Variants in MAP2 observed in about 807,000 individuals in gnomAD.
MAP2 encodes the protein microtubule-associated protein 2.
Under a neutral mutation model 137.6 loss-of-function variants are expected in MAP2, and 14 were observed. The observed-to-expected ratio is 0.10, with a 90% CI of 0.07 to 0.16. The LOEUF (loss-of-function observed/expected upper bound fraction) is 0.16. Among genes scored for constraint, MAP2 ranks in the 10% least tolerant of loss-of-function variants. The pLI is 1.00. For missense variants in MAP2, 2,088 were observed against 2,191.5 expected (o/e 0.95, Z 0.94); for synonymous variants, 786 against 782.3 (o/e 1.00, Z -0.08).
chr2:209,639,396 G>T (rs570588604), intron 4 of MAP2, among the ~76,000 whole-genome samples: 3 of 152,004 alleles, frequency 2.0e-5, no homozygotes, highest in African/African-American at 7.2e-5. Flanking sequence ...ATTAGGTTTT[G>T]TTTTAATTAA....
At chr2:209,516,099 T>C (rs925090864) in intron 2 of MAP2, among the ~76,000 whole-genome samples, 4 of 152,128 alleles carry the variant, frequency 2.6e-5, no homozygotes, top group Admixed American at 6.5e-5. Context: ...CTGGCCCGGA[T>C]AGAATGTTTA....
chr2:209,663,503 AC>A (rs2044686563), intron 5 of MAP2, among the ~76,000 whole-genome samples: 1 of 152,192 alleles, frequency 6.6e-6, no homozygotes, highest in Non-Finnish European at 1.5e-5. Flanking sequence ...GAAGGGGAAA[AC>A]ATATGTCATA....
chr2:209,704,797 A>G (rs972117947), intron 11 of MAP2, among the ~76,000 whole-genome samples: 5 of 152,010 alleles, frequency 3.3e-5, no homozygotes, highest in Non-Finnish European at 7.4e-5. Flanking sequence ...TAAACAGTAT[A>G]CCTATTTTTT....
In MAP2 at chr2:209,731,044, T is replaced by C. The variant is rs2075711303; in HGVS notation, c.*647T>C. 6.5e-6 allele frequency: 1 copy of C among 152,716 alleles called. No individual in the cohort carries two copies. Among genetic ancestry groups the C allele is most frequent in the Non-Finnish European group, 1.5e-5 (1 of 68,150 alleles). The allele number at this position is 152,716 out of a possible 1,614,324, so 9.5% of individuals were successfully genotyped here. A position where few individuals can be genotyped will look rare whatever the true frequency, so the allele number is the denominator to read the frequency against. ...AGGAAGTGGTGTAAAAGTGCATCCA[T>C]TAGGAATGATGCACTTTCATTAGGA... On this transcript the variant is annotated 3_prime_UTR_variant, in exon 16 of 16. Transcript: ENST00000682079.
chr2:209,702,551 G>T (rs1243540947), intron 11 of MAP2, among the ~76,000 whole-genome samples: 1 of 151,784 alleles, frequency 6.6e-6, no homozygotes, highest in African/African-American at 2.4e-5. Context: ...TTTATGGGAT[G>T]CCTGTGATGA....
Position 209,700,306 on chromosome 2 carries a change from A to G in MAP2, c.4552A>G (p.Ser1518Gly). 6.2e-7 allele frequency: 1 copy of G among 1,613,712 alleles called. No individual in the cohort carries two copies. Among genetic ancestry groups the G allele is most frequent in the Non-Finnish European group, 8.5e-7 (1 of 1,179,724 alleles). ...AGGTGGGGAATCAGCTCTGGCTCCCAGTGTATTTAAACAGGCAAAGGACAA... is the reference window on the plus strand; with the variant it reads ...AGGTGGGGAATCAGCTCTGGCTCCCGGTGTATTTAAACAGGCAAAGGACAA... ...AAGGESALAP[S>G]VFKQAKDKVS... Residue 1518 changes from serine (S) to glycine (G), a missense_variant, in exon 11 of 16, where the codon AGT becomes GGT. By Grantham distance (56) the Ser-to-Gly change is moderately conservative. This residue lies in a region of MAP2 where 591 missense variants were observed against 642.6 expected (regional missense o/e 0.92). Transcript: ENST00000682079.
At chr2:209,442,651 A>G (rs1406716423) in intron 1 of MAP2, among the ~76,000 whole-genome samples, 4 of 151,602 alleles carry the variant, frequency 2.6e-5, no homozygotes, top group African/African-American at 7.3e-5. Flanking sequence ...CCTAATCTGT[A>G]TCTCCAGTTT....
chr2:209,466,362 T>C (rs1203314773), intron 1 of MAP2, among the ~76,000 whole-genome samples: 2 of 152,308 alleles, frequency 1.3e-5, no homozygotes, highest in Non-Finnish European at 2.9e-5. Flanking sequence ...TTCCCTAAAA[T>C]GACATTTGGA....
chr2:209,612,133 C>T (rs1049863408), intron 3 of MAP2, among the ~76,000 whole-genome samples: 1 of 152,078 alleles, frequency 6.6e-6, no homozygotes, highest in Non-Finnish European at 1.5e-5. Context: ...CATGCAGCGC[C>T]TTTATTGGGC....
At chr2:209,720,595 C>A (rs551409789) in intron 13 of MAP2, among the ~76,000 whole-genome samples, 2 of 141,910 alleles carry the variant, frequency 1.4e-5, no homozygotes, top group Non-Finnish European at 3.0e-5. Context: ...GCCGAGATCG[C>A]GCCACTGCAC....
At chr2:209,471,983 T>C (rs528172191) in intron 1 of MAP2, among the ~76,000 whole-genome samples, 2 of 152,242 alleles carry the variant, frequency 1.3e-5, no homozygotes, top group South Asian at 2.1e-4. Flanking sequence ...TTTGCTATTC[T>C]CCCCACCACC....
In MAP2 at chr2:209,693,713, A is replaced by G. The variant is rs2059521521; in HGVS notation, c.1543A>G (p.Lys515Glu). The change falls in exon 8 of 16, where the codon AAA becomes GAA. Residue 515 changes from lysine to glutamate, a missense_variant. This residue lies in a region of MAP2 where 859 missense variants were observed against 794.5 expected (regional missense o/e 1.08). Coordinates refer to ENST00000682079, the MANE Select transcript of MAP2 (RefSeq NM_001375505.1). ...AGTTACAGATTCAGCCATGACCTCT[A>G]AAACACTGGAGAAAGCCATGACCGA... Reference protein sequence around the residue: ...QAVTDSAMTSKTLEKAMTEPS... With the variant: ...QAVTDSAMTSETLEKAMTEPS... 1 of 1,613,242 alleles carries G rather than the reference A, an allele frequency of 6.2e-7. No homozygotes were observed. Among genetic ancestry groups the G allele is most frequent in the African/African-American group, 1.3e-5 (1 of 74,868 alleles).
chr2:209,729,881 A>C lies in MAP2; in HGVS notation c.5187A>C (p.Lys1729Asn). The C allele has an allele frequency of 6.2e-7, 1 of 1,613,628 alleles. No homozygotes were observed. The highest frequency in any genetic ancestry group is 8.5e-7 in the Non-Finnish European group (1 of 1,179,630). The change falls in exon 15 of 16, where the codon AAA becomes AAC. Residue 1729 changes from lysine to asparagine, a missense_variant. Transcript: ENST00000682079. ...GACGTGTGAAAATTGAGAGTGTAAA[A>C]CTAGATTTCAAAGAAAAGGCCCAAG... is the stretch of plus-strand genomic sequence containing the variant. ...GGGRVKIESV[K>N]LDFKEKAQAK...
chr2:209,664,046 C>T (rs781077744), intron 5 of MAP2, among the ~76,000 whole-genome samples: 1 of 152,216 alleles, frequency 6.6e-6, no homozygotes, highest in African/African-American at 2.4e-5. Context: ...TGAACACCCC[C>T]AAGTACCATG....
intron 5 of MAP2, among the ~76,000 whole-genome samples, chr2:209,672,395 T>C (rs2049229680): frequency 6.6e-6 from 1 of 151,836 alleles, no homozygotes; most frequent in African/African-American, 2.4e-5. Flanking sequence ...GATTTCATGA[T>C]AAGAGAACAT....
intron 7 of MAP2, 81 bp downstream of exon 7, chr2:209,680,908 G>A: frequency 1.7e-6 from 2 of 1,177,542 alleles, no homozygotes; most frequent in Non-Finnish European, 2.5e-6. Flanking sequence ...TCTGGACTTT[G>A]GTATTGGTTA....
At chr2:209,498,040 T>G (rs905978146) in intron 1 of MAP2, among the ~76,000 whole-genome samples, 3 of 152,176 alleles carry the variant, frequency 2.0e-5, no homozygotes, top group African/African-American at 7.2e-5. Flanking sequence ...AAAGCCTCAT[T>G]TGAAACAAGG....
chr2:209,673,625 T>C (rs574486522), intron 5 of MAP2, among the ~76,000 whole-genome samples: 1 of 151,950 alleles, frequency 6.6e-6, no homozygotes, highest in East Asian at 1.9e-4. Context: ...AATATCAGAT[T>C]ACAATAAGCA....
At chr2:209,596,120 A>G (rs1180169812) in intron 3 of MAP2, among the ~76,000 whole-genome samples, 3 of 145,530 alleles carry the variant, frequency 2.1e-5, no homozygotes, top group Non-Finnish European at 4.7e-5. Flanking sequence ...AAAGAGAAAG[A>G]AAAAAAAGAA....
Sources: allele counts gnomAD v4.1 joint callset (sites outside exome capture counted in the v4.1 genomes callset), GRCh38; gene constraint gnomAD v4.1.1; regional missense constraint gnomAD v4.1.1; transcripts MANE v1.5; gene names NCBI Gene and HGNC (gene_info 2026-07-23, HGNC 2026-07-21).